NBEA: variants seen among roughly 807,000 people sequenced by gnomAD.
NBEA encodes neurobeachin.
A neutral mutation model predicts 343.4 loss-of-function variants in NBEA; 44 were observed. That is an observed-to-expected ratio of 0.13 (90% CI 0.10 to 0.16). The LOEUF (loss-of-function observed/expected upper bound fraction) is 0.16, where lower values mean the gene tolerates loss of function less well. Ranked by LOEUF, NBEA falls within the 10% of genes least tolerant of loss-of-function variation. The pLI is 1.00. For missense variants in NBEA, 2,555 were observed against 3,631.3 expected, an observed-to-expected ratio of 0.70 and a Z score of 7.62; for synonymous variants, 1,175 against 1,238.7, an observed-to-expected ratio of 0.95 and a Z score of 1.08.
intron 1 of NBEA, among the ~76,000 whole-genome samples, chr13:34,945,860 T>TTTTAAGCATGCACTTAAAACTTAA (rs2059170677): frequency 6.6e-6 from 1 of 152,078 alleles, no homozygotes; most frequent in African/African-American, 2.4e-5. Context: ...CTGGGCAGAG[T>TTTTAAGCATGCACTTAAAACTTAA]GAAGTTTTAA....
chr13:35,361,037 A>G (rs896735372), intron 38 of NBEA, among the ~76,000 whole-genome samples: 1 of 152,040 alleles, frequency 6.6e-6, no homozygotes, highest in African/African-American at 2.4e-5. Flanking sequence ...CAATTATCCA[A>G]TTAAGGCTAA....
intron 17 of NBEA, among the ~76,000 whole-genome samples, chr13:35,136,337 T>A (rs564433600): frequency 6.6e-6 from 1 of 152,322 alleles, no homozygotes; most frequent in East Asian, 1.9e-4. Context: ...AAAATAGTTC[T>A]TTTTTGAAAC....
At chr13:35,246,346 G>A (rs553543949) in intron 34 of NBEA, among the ~76,000 whole-genome samples, 1 of 152,224 alleles carries the variant, frequency 6.6e-6, no homozygotes, top group Non-Finnish European at 1.5e-5. Context: ...TTTTTTGGGG[G>A]ATGTTAAAGA....
chr13:35,157,948 C>T (rs942530781), intron 21 of NBEA, among the ~76,000 whole-genome samples: 1 of 152,060 alleles, frequency 6.6e-6, no homozygotes, highest in East Asian at 1.9e-4. Flanking sequence ...TTCTTGAACA[C>T]GAGTTAGAAA....
chr13:35,201,195 A>G (rs1346624909), intron 31 of NBEA, among the ~76,000 whole-genome samples: 2 of 151,964 alleles, frequency 1.3e-5, no homozygotes, highest in Non-Finnish European at 2.9e-5. Context: ...TGGAAGATTC[A>G]GTTTTGACTG....
intron 34 of NBEA, among the ~76,000 whole-genome samples, chr13:35,284,196 GA>G (rs896125333): frequency 2.0e-5 from 3 of 152,116 alleles, no homozygotes; most frequent in Admixed American, 2.0e-4. Flanking sequence ...GACCTTTACA[GA>G]AAAAGTTTGC....
At chr13:35,548,347 A>G (rs984124262) in intron 41 of NBEA, among the ~76,000 whole-genome samples, 2 of 152,184 alleles carry the variant, frequency 1.3e-5, no homozygotes, top group South Asian at 4.1e-4. Flanking sequence ...GTAAAAACTG[A>G]TAACATGCTT....
At chr13:35,099,897 G>GT (rs1419813682) in intron 11 of NBEA, among the ~76,000 whole-genome samples, 23 of 151,948 alleles carry the variant, frequency 1.5e-4, no homozygotes, top group Middle Eastern at 3.4e-3. Flanking sequence ...ATGAATAAGC[G>GT]TTTTTTTATA....
At chr13:35,012,040 C>G (rs2061507363) in intron 1 of NBEA, among the ~76,000 whole-genome samples, 1 of 152,154 alleles carries the variant, frequency 6.6e-6, no homozygotes, top group South Asian at 2.1e-4. Context: ...GTATTTAGTT[C>G]TGGCTGCCCA....
intron 38 of NBEA, among the ~76,000 whole-genome samples, chr13:35,424,916 A>T (rs1171800190): frequency 1.3e-5 from 2 of 151,622 alleles, no homozygotes; most frequent in Non-Finnish European, 2.9e-5. Context: ...CATTTTCTAG[A>T]TTTTCTAGTT....
At chr13:35,468,126 T>A (rs1191349609) in intron 40 of NBEA, among the ~76,000 whole-genome samples, 1 of 36,190 alleles carries the variant, frequency 2.8e-5, no homozygotes, top group African/African-American at 1.1e-4. Flanking sequence ...CCCACTCCCC[T>A]CCCCTGAAAA....
chr13:35,111,716 GT>G (rs1238628318), intron 13 of NBEA, among the ~76,000 whole-genome samples: 1 of 151,784 alleles, frequency 6.6e-6, no homozygotes, highest in Non-Finnish European at 1.5e-5. Flanking sequence ...TTATATATGT[GT>G]TTACCTCCAT....
chr13:35,479,317 C>A (rs2076023733), intron 41 of NBEA, among the ~76,000 whole-genome samples: 1 of 152,248 alleles, frequency 6.6e-6, no homozygotes, highest in Middle Eastern at 3.4e-3. Flanking sequence ...GAATAATACT[C>A]TAGTGCAAGT....
intron 58 of NBEA, among the ~76,000 whole-genome samples, chr13:35,669,479 C>T (rs1282590467): frequency 1.3e-5 from 2 of 152,130 alleles, no homozygotes; most frequent in East Asian, 1.9e-4. Context: ...TCAGGAAAAA[C>T]GCTGTAAGCT....
intron 1 of NBEA, among the ~76,000 whole-genome samples, chr13:34,992,196 A>G (rs955079822): frequency 2.1e-5 from 3 of 140,730 alleles, no homozygotes; most frequent in Non-Finnish European, 4.5e-5. Flanking sequence ...GTGTGTATAT[A>G]TATGTGTGTG....
At chr13:35,190,011 A>G (rs1266654207) in intron 30 of NBEA, among the ~76,000 whole-genome samples, 2 of 152,102 alleles carry the variant, frequency 1.3e-5, no homozygotes, top group African/African-American at 4.8e-5. Flanking sequence ...TTTGAAAACC[A>G]GTAGTCTAGC....
In NBEA at chr13:35,013,562, C is replaced by T. The variant is rs1183158715; in HGVS notation, c.295-27371C>T. ...CTTGGCTCACTGCAACCTCTGCCTC[C>T]CAGGTTCAGGCGATTCTCCTGCCTC... On this transcript the variant is annotated intron_variant, in intron 1 of 58. Transcript: ENST00000379939. 2.0e-5 allele frequency among the ~76,000 whole-genome samples: 3 copies of T among 151,876 alleles called. No homozygotes were observed. The East Asian group carries it at 5.8e-4, about 29-fold the overall frequency.
intron 22 of NBEA, among the ~76,000 whole-genome samples, chr13:35,160,952 C>CCTA (rs1286597286): frequency 7.9e-5 from 12 of 152,130 alleles, no homozygotes; most frequent in Admixed American, 2.6e-4. Context: ...GAATGTGTTT[C>CCTA]CATTAGGTTT....
At chr13:35,087,826 A>G (rs959658280) in intron 10 of NBEA, among the ~76,000 whole-genome samples, 1 of 151,930 alleles carries the variant, frequency 6.6e-6, no homozygotes, top group Non-Finnish European at 1.5e-5. Context: ...AAATGGTATA[A>G]CCAGAGAACC....
Sources: allele counts gnomAD v4.1 joint callset (sites outside exome capture counted in the v4.1 genomes callset), GRCh38; gene constraint gnomAD v4.1.1; transcripts MANE v1.5; gene names NCBI Gene and HGNC (gene_info 2026-07-23, HGNC 2026-07-21).